The following PHLDB2 variants were observed in gnomAD, a reference collection of about 807,000 sequenced individuals.
PHLDB2 encodes pleckstrin homology like domain family B member 2.
In PHLDB2, 71 loss-of-function variants were observed where a neutral mutation model predicts 123.6. The observed-to-expected ratio is 0.57, with a 90% CI of 0.47 to 0.70. The LOEUF (loss-of-function observed/expected upper bound fraction) is 0.70. Among genes scored for constraint, PHLDB2 ranks in the 30% least tolerant of loss-of-function variants. The pLI is 0.00. For synonymous variants in PHLDB2, 547 were observed against 541.6 expected (o/e 1.01, Z -0.14); for missense variants, 1,446 against 1,519.5 (o/e 0.95, Z 0.80).
intron 2 of PHLDB2, among the ~76,000 whole-genome samples, chr3:111,899,084 G>T (rs563568959): frequency 6.6e-6 from 1 of 152,202 alleles, no homozygotes; most frequent in South Asian, 2.1e-4. Flanking sequence ...ACTACCTATG[G>T]CAACTATAGC....
intron 1 of PHLDB2, among the ~76,000 whole-genome samples, chr3:111,845,120 C>T (rs1384828415): frequency 1.3e-5 from 2 of 151,804 alleles, no homozygotes; most frequent in African/African-American, 4.8e-5. Flanking sequence ...TTTGGAAGGT[C>T]GAGGTGGGTG....
At chr3:111,957,463 T>A (rs1429772702) in intron 12 of PHLDB2, 2 of 152,454 alleles carry the variant, frequency 1.3e-5, no homozygotes, top group Non-Finnish European at 2.9e-5. Flanking sequence ...GGCAGCTGCA[T>A]GACCCTCTTT....
chr3:111,949,142 C>T, intron 10 of PHLDB2, 67 bp downstream of exon 10: 1 of 1,568,284 alleles, frequency 6.4e-7, no homozygotes. Context: ...CCACGGCCAA[C>T]TGAAAATGAG....
chr3:111,750,330 CAG>C (rs2059747901), intron 1 of PHLDB2, among the ~76,000 whole-genome samples: 1 of 152,154 alleles, frequency 6.6e-6, no homozygotes, highest in African/African-American at 2.4e-5. Flanking sequence ...GAGAAGCCTA[CAG>C]AGTCTCAGTA....
At chr3:111,950,477 A>G (rs1479170692) in intron 10 of PHLDB2, among the ~76,000 whole-genome samples, 4 of 152,228 alleles carry the variant, frequency 2.6e-5, no homozygotes, top group African/African-American at 9.6e-5. Flanking sequence ...GTCCAAGGTC[A>G]CACCACAAAT....
At chr3:111,794,689 A>G (rs887036243) in intron 1 of PHLDB2, among the ~76,000 whole-genome samples, 6 of 152,240 alleles carry the variant, frequency 3.9e-5, no homozygotes, top group African/African-American at 1.4e-4. Flanking sequence ...AAATTGCTTT[A>G]TAAGGCTAAA....
chr3:111,913,621 C>T lies in PHLDB2; in HGVS notation c.1638C>T (p.Asp546=), dbSNP rs753314135. 5.6e-6 allele frequency: 9 copies of T among 1,614,000 alleles called. No homozygotes were observed. In the African/African-American group the frequency reaches 1.1e-4, roughly 19 times the overall value. ...RSTRNDELLS[D]LTRTPPPPSS... Reference sequence around the variant, plus strand: ...CCAGGAATGATGAACTACTCAGTGACCTCACCCGGACTCCTCCACCACCAT... The same window carrying T: ...CCAGGAATGATGAACTACTCAGTGATCTCACCCGGACTCCTCCACCACCAT... The change falls in exon 3 of 18, where the codon GAC becomes GAT. Residue 546 remains aspartate (D), a synonymous_variant. Transcript: ENST00000431670.
chr3:111,768,932 A>T (rs1262008090), intron 1 of PHLDB2, among the ~76,000 whole-genome samples: 2 of 152,212 alleles, frequency 1.3e-5, no homozygotes, highest in East Asian at 3.9e-4. Flanking sequence ...CAAGTGCCCA[A>T]GGAGCCCACT....
intron 2 of PHLDB2, among the ~76,000 whole-genome samples, chr3:111,897,519 T>C (rs1403110026): frequency 6.6e-6 from 1 of 152,262 alleles, no homozygotes. Context: ...TGAAGTCTAA[T>C]GACTGCAGGT....
rs76743536 is a variant in PHLDB2 at position 111,950,095 on chromosome 3, C to G, written c.2631+1020C>G. ...AAGGTTTTGATACCTTGAGTGTTCCCTACTGGCTTTTATATGTTTGAGCAC... is the reference window on the plus strand; with the variant it reads ...AAGGTTTTGATACCTTGAGTGTTCCGTACTGGCTTTTATATGTTTGAGCAC... On this transcript the variant is annotated intron_variant, in intron 10 of 17. Coordinates refer to ENST00000431670, the MANE Select transcript of PHLDB2 (RefSeq NM_001134438.2). Among the ~76,000 whole-genome samples the G allele has an allele frequency of 2.6e-3, 393 of 152,190 alleles. 4 individuals carry two copies. Among genetic ancestry groups the G allele is most frequent in the African/African-American group, 8.7e-3 (360 of 41,516 alleles).
At chr3:111,802,882 ATGGTCC>A (rs1251245211) in intron 1 of PHLDB2, among the ~76,000 whole-genome samples, 1 of 152,198 alleles carries the variant, frequency 6.6e-6, no homozygotes, top group Non-Finnish European at 1.5e-5. Flanking sequence ...GTTAAAGGTT[ATGGTCC>A]TGCTCCCAAA....
rs574349205 is a variant in PHLDB2 at position 111,947,118 on chromosome 3, A to G, written c.2487+1761A>G. 2.6e-5 allele frequency among the ~76,000 whole-genome samples: 4 copies of G among 152,322 alleles called. No individual in the cohort carries two copies. The South Asian group carries it at 8.3e-4, about 32-fold the overall frequency. ...GGGAAAACTGGGGAAGGAATTGTTT[A>G]AGAGGGAAGATTTGGAGTTGACTCT... On this transcript the variant is annotated intron_variant, in intron 9 of 17. Coordinates refer to ENST00000431670, the MANE Select transcript of PHLDB2 (RefSeq NM_001134438.2).
intron 1 of PHLDB2, among the ~76,000 whole-genome samples, chr3:111,733,076 T>C (rs986228959): frequency 6.6e-6 from 1 of 152,216 alleles, no homozygotes. Context: ...TTTCAAGACA[T>C]ACCAGAGAGG....
chr3:111,830,902 T>TATA (rs2062937359), intron 1 of PHLDB2, among the ~76,000 whole-genome samples: 1 of 148,154 alleles, frequency 6.7e-6, no homozygotes, highest in African/African-American at 2.5e-5. Flanking sequence ...GGGGACTCAT[T>TATA]ATATTTCCAC....
At chr3:111,919,402 T>C (rs2068363349) in intron 4 of PHLDB2, among the ~76,000 whole-genome samples, 187 bp downstream of exon 4, 1 of 151,970 alleles carries the variant, frequency 6.6e-6, no homozygotes, top group East Asian at 1.9e-4. Flanking sequence ...TCTTTTTTTT[T>C]CCAACCAGAT....
At chr3:111,921,133 A>T (rs776950159) in intron 5 of PHLDB2, among the ~76,000 whole-genome samples, 3 of 152,192 alleles carry the variant, frequency 2.0e-5, no homozygotes, top group African/African-American at 7.2e-5. Context: ...AGAATTCAGG[A>T]TGGTAGTTGG....
rs1243073011 is a variant in PHLDB2, at chr3:111,932,319, G to A, written c.2052G>A (p.Glu684=). The change falls in exon 6 of 18, where the codon GAG becomes GAA. Residue 684 remains glutamate (E), a synonymous_variant. Coordinates refer to ENST00000431670, the MANE Select transcript of PHLDB2 (RefSeq NM_001134438.2). ...AEREKLERLQ[E]LYSEQKTQLD... ...GGGAAAAACTAGAGAGGCTTCAGGA[G>A]CTTTACTCCGAGCAGAAGACCCAGC... The A allele has an allele frequency of 6.4e-7, 1 of 1,551,602 alleles. No individual in the cohort carries two copies. The highest frequency in any genetic ancestry group is 2.0e-5 in the Admixed American group (1 of 50,974).
At chr3:111,955,529 CA>C (rs1397840891) in intron 12 of PHLDB2, among the ~76,000 whole-genome samples, 2 of 152,118 alleles carry the variant, frequency 1.3e-5, no homozygotes, top group African/African-American at 4.8e-5. Flanking sequence ...TAGCTCACTG[CA>C]AACTCTGCCA....
At chr3:111,855,985 G>A (rs2064487358), upstream of PHLDB2, among the ~76,000 whole-genome samples, 1 of 152,088 alleles carries the variant, frequency 6.6e-6, no homozygotes. Context: ...CTATCTTCAG[G>A]CTGCTATGGC....
Sources: gnomAD v4.1 joint callset for allele counts (sites outside exome capture counted in the v4.1 genomes callset) on GRCh38, gnomAD v4.1.1 for gene constraint, MANE v1.5 for transcripts, NCBI Gene and HGNC (gene_info 2026-07-23, HGNC 2026-07-21) for gene names.